Variants in RLBP1 observed in about 807,000 individuals in gnomAD.
RLBP1 encodes retinaldehyde binding protein 1.
RLBP1 carries 26 observed loss-of-function variants against 36.2 expected under a neutral mutation model. The observed-to-expected ratio is 0.72, with a 90% CI of 0.53 to 1.00. The LOEUF (loss-of-function observed/expected upper bound fraction) is 1.00, where lower values mean the gene tolerates loss of function less well. Among genes scored for constraint, RLBP1 ranks in the 50% least tolerant of loss-of-function variants. The pLI, the probability that RLBP1 is intolerant of heterozygous loss-of-function variation, is 0.00. For missense variants in RLBP1, 410 were observed against 402.4 expected (o/e 1.02, Z -0.16); for synonymous variants, 155 against 156.2 (o/e 0.99, Z 0.06).
Position 89,210,320 on chromosome 15 carries a change from C to A in RLBP1, c.919G>T (p.Gly307Cys), listed in dbSNP as rs1472694377. The change falls in exon 9 of 9, where the codon GGC becomes TGC. Residue 307 changes from glycine (G) to cysteine (C), a missense_variant. By Grantham distance (159) the Gly-to-Cys change is radical. Coordinates refer to ENST00000268125, the MANE Select transcript of RLBP1 (RefSeq NM_000326.5). The surrounding 1 kb of genome is among the most constrained non-coding windows in gnomAD (Gnocchi z 4.7). ...GTGTTCTCAGCTTGGGCCTGGGGGC[C>A]AAAGAGCTGCTCAGCAACGGCCTTG... is the stretch of plus-strand genomic sequence containing the variant. ...DGKAVAEQLFGPQAQAENTAF is the reference protein window; with the variant it reads ...DGKAVAEQLFCPQAQAENTAF 8 of 1,614,108 alleles carry A rather than the reference C, an allele frequency of 5.0e-6. No individual in the cohort carries two copies. Among genetic ancestry groups the A allele is most frequent in the Non-Finnish European group, 6.8e-6 (8 of 1,180,060 alleles).
rs374053789 is a variant in RLBP1, at chr15:89,210,479, G to C, written c.796-36C>G. ...GCAAGGGAGACAGAACTGAGCAGGA[G>C]GAGGTGCCCTAAGGATGAGGGTTGA... is the stretch of plus-strand genomic sequence containing the variant. On this transcript the variant is annotated intron_variant, in intron 8 of 8. Transcript: ENST00000268125. The surrounding 1 kb of genome is among the most constrained non-coding windows in gnomAD (Gnocchi z 4.7). The C allele has an allele frequency of 7.0e-5, 113 of 1,612,428 alleles. No homozygotes were observed. Among genetic ancestry groups the C allele is most frequent in the African/African-American group, 4.8e-4 (36 of 74,878 alleles).
In RLBP1 at chr15:89,218,670, A is replaced by G. The variant is rs1455502205; in HGVS notation, c.36T>C (p.Pro12=). ...GGGCACGGAGCTCCTGTTCCTCTTC[A>G]GGTACCATGCGGAACGTGCCCACCT... ...SEGVGTFRMV[P]EEEQELRAQL... is the part of the protein sequence containing the mutation. The change falls in exon 4 of 9, where the codon CCT becomes CCC. Residue 12 remains proline (P), a synonymous_variant. Coordinates refer to ENST00000268125, the MANE Select transcript of RLBP1 (RefSeq NM_000326.5). The surrounding 1 kb of genome is among the most constrained non-coding windows in gnomAD (Gnocchi z 4.6). 1 of 1,614,158 alleles carries G rather than the reference A, an allele frequency of 6.2e-7. No homozygotes were observed. The highest frequency in any genetic ancestry group is 2.2e-5 in the East Asian group (1 of 44,868).
chr15:89,217,598 C>T (rs1236624554), intron 4 of RLBP1, among the ~76,000 whole-genome samples: 2 of 152,250 alleles, frequency 1.3e-5, no homozygotes, highest in African/African-American at 4.8e-5. Context: ...TGCCTAGCAA[C>T]CTGCTAAGTC....
rs750890214 is a variant in RLBP1, at chr15:89,218,720, C to G, written c.13-27G>C. 1.2e-6 allele frequency: 2 copies of G among 1,612,796 alleles called. No homozygotes were observed. Among genetic ancestry groups the G allele is most frequent in the Non-Finnish European group, 1.7e-6 (2 of 1,180,034 alleles). On this transcript the variant is annotated intron_variant, in intron 3 of 8. Coordinates refer to ENST00000268125, the MANE Select transcript of RLBP1 (RefSeq NM_000326.5). The surrounding 1 kb of genome is among the most constrained non-coding windows in gnomAD (Gnocchi z 4.6). Reference sequence around the variant, plus strand: ...TGGGCAGAGAAAGGAAAAAGAGGAACAGCCAACCGCATCAGCCTGAGCCAG... The same window carrying G: ...TGGGCAGAGAAAGGAAAAAGAGGAAGAGCCAACCGCATCAGCCTGAGCCAG...
chr15:89,215,198 G>C lies in RLBP1; in HGVS notation c.387C>G (p.Asp129Glu). ...AGCGGACAGCCTCTGGGGACAGGCT[G>C]TCAAAGAGCTCAGGGTACTGCAGCC... ...NFRLQYPELF[D>E]SLSPEAVRCT... Residue 129 changes from aspartate (D) to glutamate (E), a missense_variant, in exon 6 of 9, where the codon GAC becomes GAG. Asp to Glu is a conservative substitution (Grantham distance 45). Coordinates refer to ENST00000268125, the MANE Select transcript of RLBP1 (RefSeq NM_000326.5). 1 of 1,614,210 alleles carries C rather than the reference G, an allele frequency of 6.2e-7. No individual in the cohort carries two copies. The highest frequency in any genetic ancestry group is 1.3e-5 in the African/African-American group (1 of 75,064).
In RLBP1 at chr15:89,220,601, T is replaced by C. The variant is rs189166824; in HGVS notation, c.-223-742A>G. ...CCATAATCCACCCACAGGAACCAAA[T>C]CTAAGCCACCTTTCTGGCTGGTAGA... On this transcript the variant is annotated intron_variant, in intron 1 of 8. Coordinates refer to ENST00000268125, the MANE Select transcript of RLBP1 (RefSeq NM_000326.5). Among the ~76,000 whole-genome samples the C allele has an allele frequency of 4.6e-3, 705 of 152,182 alleles. 1 individual carries two copies. Among genetic ancestry groups the C allele is most frequent in the African/African-American group, 0.016 (653 of 41,516 alleles).
chr15:89,212,803 A>G (rs1307589839), intron 6 of RLBP1, among the ~76,000 whole-genome samples: 2 of 151,460 alleles, frequency 1.3e-5, no homozygotes, highest in African/African-American at 4.9e-5. Flanking sequence ...ATCTTGGCTC[A>G]CTGCAACCTC....
intron 5 of RLBP1, among the ~76,000 whole-genome samples, chr15:89,216,468 A>T (rs368926544): frequency 6.6e-5 from 10 of 152,284 alleles, no homozygotes; most frequent in African/African-American, 2.4e-4. Flanking sequence ...GATTACAGGC[A>T]TGCGCCACCA....
chr15:89,211,658 C>T lies in RLBP1; in HGVS notation c.684+85G>A. 1 of 1,450,400 alleles carries T rather than the reference C, an allele frequency of 6.9e-7. No individual in the cohort carries two copies. Among genetic ancestry groups the T allele is most frequent in the Admixed American group, 1.7e-5 (1 of 57,532 alleles). 89.8% of individuals were successfully genotyped at this position (1,450,400 alleles called of 1,614,324 possible). A position where few individuals can be genotyped will look rare whatever the true frequency, so the allele number is the denominator to read the frequency against. On this transcript the variant is annotated intron_variant, in intron 7 of 8. Transcript: ENST00000268125. The surrounding 1 kb of genome is among the most constrained non-coding windows in gnomAD (Gnocchi z 5.8). ...CGCGAGGTGGTCCAACTTCTCAGTT[C>T]CCTGCAAGCACCATGAAAGGAGGCC...
chr15:89,218,853 C>A lies in RLBP1; in HGVS notation c.12+111G>T. Reference sequence around the variant, plus strand: ...CACACAGGGGTTATAGAAGTGTGTGCCTATATTCCCGGGCAGAGCATAAGA... The same window carrying A: ...CACACAGGGGTTATAGAAGTGTGTGACTATATTCCCGGGCAGAGCATAAGA... On this transcript the variant is annotated intron_variant, in intron 3 of 8. Transcript: ENST00000268125. The surrounding 1 kb of genome is among the most constrained non-coding windows in gnomAD (Gnocchi z 4.6). The A allele has an allele frequency of 6.7e-7, 1 of 1,497,626 alleles. No homozygotes were observed. Among genetic ancestry groups the A allele is most frequent in the Non-Finnish European group, 9.2e-7 (1 of 1,084,188 alleles). The allele number at this position is 1,497,626 out of a possible 1,614,324, so 92.8% of individuals were successfully genotyped here.
In RLBP1 at chr15:89,214,946, TC is replaced by T. The variant is rs2051566761; in HGVS notation, c.525+113del. ...TAGGTGGCAGGTGGCTGCCCACCTT[TC>T]CCCCTCTACAGACCTTGCCTCCTGG... is the stretch of plus-strand genomic sequence containing the variant. On this transcript the variant is annotated intron_variant, in intron 6 of 8. Transcript: ENST00000268125. The surrounding 1 kb of genome is among the most constrained non-coding windows in gnomAD (Gnocchi z 4.6). 1 of 1,134,870 alleles carries T rather than the reference TC, an allele frequency of 8.8e-7. No individual in the cohort carries two copies. The highest frequency in any genetic ancestry group is 1.3e-6 in the Non-Finnish European group (1 of 755,424). The allele number at this position is 1,134,870 out of a possible 1,614,324, so 70.3% of individuals were successfully genotyped here. A position where few individuals can be genotyped will look rare whatever the true frequency, so the allele number is the denominator to read the frequency against.
chr15:89,217,479 C>G (rs562677412), intron 4 of RLBP1, among the ~76,000 whole-genome samples, 155 bp from the exon 5 acceptor site: 1 of 152,326 alleles, frequency 6.6e-6, no homozygotes, highest in African/African-American at 2.4e-5. Flanking sequence ...GCAGCATCTG[C>G]ACTGGCAACA....
Position 89,214,587 on chromosome 15 carries a change from G to A in RLBP1, c.525+473C>T, listed in dbSNP as rs954106218. Among the ~76,000 whole-genome samples, 2 of 152,092 alleles carry A rather than the reference G, an allele frequency of 1.3e-5. No individual in the cohort carries two copies. The highest frequency in any genetic ancestry group is 1.3e-4 in the Admixed American group (2 of 15,266). ...ACAAACCCTAATTCCCCAACTTGGG[G>A]CAGCCCCCTTAACGGCTCAGACAAG... On this transcript the variant is annotated intron_variant, in intron 6 of 8. Coordinates refer to ENST00000268125, the MANE Select transcript of RLBP1 (RefSeq NM_000326.5). This position sits in a 1 kb window ranked among gnomAD's most constrained non-coding sequence, Gnocchi z 4.6.
At chr15:89,215,291 C>G in intron 5 of RLBP1, 53 bp from the exon 6 acceptor site, 1 of 1,584,338 alleles carries the variant, frequency 6.3e-7, no homozygotes, top group Non-Finnish European at 8.7e-7. Flanking sequence ...CATCCCTACC[C>G]CATCCCTCCT....
chr15:89,215,280 C>T (rs1476599427), intron 5 of RLBP1, 42 bp from the exon 6 acceptor site: 1 of 1,600,038 alleles, frequency 6.2e-7, no homozygotes, highest in Non-Finnish European at 8.6e-7. Context: ...GGGAGCCATC[C>T]CATCCCTACC....
At position 89,217,105 on chromosome 15, in the gene RLBP1, A is replaced by G; in HGVS notation, c.346+15T>C. 1 of 1,613,364 alleles carries G rather than the reference A, an allele frequency of 6.2e-7. No homozygotes were observed. The highest frequency in any genetic ancestry group is 8.5e-7 in the Non-Finnish European group (1 of 1,179,708). ...CCCGTCTTCCCAGGGCCGTCCCTCCAAGCACTGGCCTCACCTCTGAGCAGC... is the reference window on the plus strand; with the variant it reads ...CCCGTCTTCCCAGGGCCGTCCCTCCGAGCACTGGCCTCACCTCTGAGCAGC... On this transcript the variant is annotated intron_variant, in intron 5 of 8. Coordinates refer to ENST00000268125, the MANE Select transcript of RLBP1 (RefSeq NM_000326.5).
At chr15:89,221,116 T>C (rs2051622818) in intron 1 of RLBP1, among the ~76,000 whole-genome samples, 1 of 151,118 alleles carries the variant, frequency 6.6e-6, no homozygotes, top group South Asian at 2.1e-4. Context: ...CAAGCAATTC[T>C]CCTGCCTTAG....
At position 89,210,489 on chromosome 15, in the gene RLBP1, T is replaced by A. The variant is rs747740578; in HGVS notation, c.796-46A>T. ...CAGAACTGAGCAGGAGGAGGTGCCC[T>A]AAGGATGAGGGTTGAGGGAGGAAAG... is the stretch of plus-strand genomic sequence containing the variant. On this transcript the variant is annotated intron_variant, in intron 8 of 8. Coordinates refer to ENST00000268125, the MANE Select transcript of RLBP1 (RefSeq NM_000326.5). The surrounding 1 kb of genome is among the most constrained non-coding windows in gnomAD (Gnocchi z 4.7). 6.2e-7 allele frequency: 1 copy of A among 1,608,360 alleles called. No individual in the cohort carries two copies. The highest frequency in any genetic ancestry group is 8.5e-7 in the Non-Finnish European group (1 of 1,175,206).
Position 89,210,338 on chromosome 15 carries a change from C to A in RLBP1, c.901G>T (p.Val301Phe), listed in dbSNP as rs773667486. ...GTLPKYDGKA[V>F]AEQLFGPQAQ... The stretch of plus-strand genomic sequence containing the variant: ...TGGGGGCCAAAGAGCTGCTCAGCAA[C>A]GGCCTTGCCATCATACTTGGGCAGC... Residue 301 changes from valine to phenylalanine, a missense_variant, in exon 9 of 9, where the codon GTT becomes TTT. By Grantham distance (50) the Val-to-Phe change is conservative. Transcript: ENST00000268125. The surrounding 1 kb of genome is among the most constrained non-coding windows in gnomAD (Gnocchi z 4.7). The A allele has an allele frequency of 3.0e-5, 49 of 1,614,112 alleles. No homozygotes were observed. The highest frequency in any genetic ancestry group is 3.7e-5 in the Non-Finnish European group (44 of 1,180,058).
Sources: allele counts gnomAD v4.1 joint callset (sites outside exome capture counted in the v4.1 genomes callset), GRCh38; gene constraint gnomAD v4.1.1; non-coding constraint Gnocchi (gnomAD v3.1); transcripts MANE v1.5; gene names NCBI Gene and HGNC (gene_info 2026-07-23, HGNC 2026-07-21).